Variants in DHPS observed in about 807,000 individuals in gnomAD.
The protein encoded by DHPS is deoxyhypusine synthase.
In DHPS, 24 loss-of-function variants were observed where a neutral mutation model predicts 38.7. That is an observed-to-expected ratio of 0.62 (90% CI 0.45 to 0.87). The LOEUF (loss-of-function observed/expected upper bound fraction) is 0.87. Ranked by LOEUF, DHPS falls within the 40% of genes least tolerant of loss-of-function variation. The probability of loss-of-function intolerance (pLI) is 0.00; values close to 1 mark genes in which losing one functional copy is unlikely to be tolerated. For synonymous variants in DHPS, 250 were observed against 204.4 expected (o/e 1.22, Z -1.90); for missense variants, 510 against 497.6 (o/e 1.02, Z -0.24).
downstream of DHPS, chr19:12,673,406 G>A (rs2024479782): frequency 2.5e-5 from 10 of 394,414 alleles, no homozygotes; most frequent in South Asian, 2.3e-4. Context: ...CTGAAGGCTA[G>A]GATCTTTTTT....
chr19:12,680,378 G>A, intron 1 of DHPS, 53 bp from the exon 2 acceptor site: 1 of 1,603,984 alleles, frequency 6.2e-7, no homozygotes, highest in Non-Finnish European at 8.5e-7. Flanking sequence ...CCCAGACTCA[G>A]GACTCCAGGT....
Position 12,681,814 on chromosome 19 carries a change from AC to A in DHPS, c.-49del. On this transcript the variant is annotated 5_prime_UTR_variant, in exon 1 of 9. Coordinates refer to ENST00000210060, the MANE Select transcript of DHPS (RefSeq NM_001930.4). ...TCAAAGCTGCCCCTAGGCCGGGCTT[AC>A]GGCGGCCCAGAAACGCGTTAAACCC... The A allele has an allele frequency of 6.4e-7, 1 of 1,557,190 alleles. No individual in the cohort carries two copies. Among genetic ancestry groups the A allele is most frequent in the Non-Finnish European group, 8.7e-7 (1 of 1,147,260 alleles).
chr19:12,681,797 G>A lies in DHPS; in HGVS notation c.-31C>T. On this transcript the variant is annotated 5_prime_UTR_variant, in exon 1 of 9. Transcript: ENST00000210060. Reference sequence around the variant, plus strand: ...TATAGCCGGCTCTCGAGTCAAAGCTGCCCCTAGGCCGGGCTTACGGCGGCC... The same window carrying A: ...TATAGCCGGCTCTCGAGTCAAAGCTACCCCTAGGCCGGGCTTACGGCGGCC... 1.9e-6 allele frequency: 3 copies of A among 1,587,210 alleles called. No homozygotes were observed. Among genetic ancestry groups the A allele is most frequent in the Non-Finnish European group, 2.6e-6 (3 of 1,168,980 alleles).
chr19:12,672,979 C>T (rs2024467909), downstream of DHPS: 1 of 1,602,850 alleles, frequency 6.2e-7, no homozygotes, highest in Non-Finnish European at 8.5e-7. Flanking sequence ...GCACCCCACC[C>T]TCACTCACCT....
chr19:12,676,229 A>G lies in DHPS; in HGVS notation c.889-87T>C. The G allele has an allele frequency of 3.4e-6, 5 of 1,456,184 alleles. No individual in the cohort carries two copies. The South Asian group carries it at 6.7e-5, about 19-fold the overall frequency. The allele number at this position is 1,456,184 out of a possible 1,614,324, so 90.2% of individuals were successfully genotyped here. On this transcript the variant is annotated intron_variant, in intron 7 of 8. Coordinates refer to ENST00000210060, the MANE Select transcript of DHPS (RefSeq NM_001930.4). ...GAGGACACCGTAGCCAAACAGGCTG[A>G]GAGGTGTGTCCCAGATGAAGGAAGC...
Position 12,675,862 on chromosome 19 carries a change from G to C in DHPS, c.1086C>G (p.Phe362Leu). ...AETFAQKMDA[F>L]MHEKNED ...CTCAGTCCTCGTTCTTCTCATGCAT[G>C]AAGGCATCCATCTTCTGGGCAAAGG... Residue 362 changes from phenylalanine (F) to leucine (L), a missense_variant, in exon 9 of 9, where the codon TTC (phenylalanine) becomes TTG (leucine). Phe to Leu is a conservative substitution (Grantham distance 22). Transcript: ENST00000210060. 6.2e-7 allele frequency: 1 copy of C among 1,608,152 alleles called. No homozygotes were observed. Among genetic ancestry groups the C allele is most frequent in the Non-Finnish European group, 8.5e-7 (1 of 1,176,912 alleles).
chr19:12,677,181 A>C lies in DHPS; in HGVS notation c.815T>G (p.Phe272Cys). ...DLRLINTQAI[F>C]AKCTGMIILG... ...AATGATCATCCCAGTGCACTTGGCA[A>C]AGATGGCCTGTGTGTTGATGAGCCT... is the stretch of plus-strand genomic sequence containing the variant. The change falls in exon 7 of 9, where the codon TTT (phenylalanine) becomes TGT (cysteine). Residue 272 changes from phenylalanine to cysteine, a missense_variant. Transcript: ENST00000210060. The C allele has an allele frequency of 3.7e-6, 6 of 1,614,244 alleles. No individual in the cohort carries two copies. The highest frequency in any genetic ancestry group is 5.1e-6 in the Non-Finnish European group (6 of 1,180,038).
At chr19:12,681,268 C>G in intron 1 of DHPS, 1 of 1,301,680 alleles carries the variant, frequency 7.7e-7, no homozygotes, top group Non-Finnish European at 9.9e-7. Context: ...TTTGTCTTGC[C>G]CCAGGCTCCG....
rs1477410305 is a variant in DHPS, at chr19:12,677,348, C to T, written c.727G>A (p.Asp243Asn). 9 of 1,614,028 alleles carry T rather than the reference C, an allele frequency of 5.6e-6. No homozygotes were observed. Among genetic ancestry groups the T allele is most frequent in the Non-Finnish European group, 6.8e-6 (8 of 1,180,042 alleles). ...TTGTAGGAATGGAAGAAGATCATGT[C>T]GCCCAGCGAGCCGTCTGTAAGTGCG... ...SPALTDGSLG[D>N]MIFFHSYKNP... is the part of the protein sequence containing the mutation. Residue 243 changes from aspartate (D) to asparagine (N), a missense_variant, in exon 6 of 9, where the codon GAC becomes AAC. By Grantham distance (23) the Asp-to-Asn change is conservative (BLOSUM62 1). Coordinates refer to ENST00000210060, the MANE Select transcript of DHPS (RefSeq NM_001930.4).
At chr19:12,675,397 T>C, downstream of DHPS, 1 of 1,338,706 alleles carries the variant, frequency 7.5e-7, no homozygotes, top group Non-Finnish European at 1.0e-6. Flanking sequence ...TAGAGGCAGG[T>C]GGCTGAAGGT....
Position 12,676,018 on chromosome 19 carries a change from T to TA in DHPS, c.1012_1013insT (p.Lys338IlefsTer5). On this transcript the variant is annotated frameshift_variant and splice_region_variant, in exon 8 of 9. Coordinates refer to ENST00000210060, the MANE Select transcript of DHPS (RefSeq NM_001930.4). LOFTEE classifies it high-confidence loss of function. ...ATGCCCCACCCAGCCAGCGCTTACC[T>TA]TGACGGGCTGTGCATCCACCCGGAT... The TA allele has an allele frequency of 6.2e-7, 1 of 1,613,818 alleles. No individual in the cohort carries two copies. Among genetic ancestry groups the TA allele is most frequent in the Non-Finnish European group, 8.5e-7 (1 of 1,179,822 alleles).
Position 12,675,901 on chromosome 19 carries a change from C to T in DHPS, c.1047G>A (p.Leu349=). The T allele has an allele frequency of 6.2e-7, 1 of 1,610,104 alleles. No homozygotes were observed. Among genetic ancestry groups the T allele is most frequent in the South Asian group, 1.1e-5 (1 of 90,582 alleles). The stretch of plus-strand genomic sequence containing the variant: ...TCTGGGCAAAGGTTTCAGCCACAAG[C>T]AGGGGGAAGACCAGGGAGGCGTCAG... ...VYADASLVFP[L]LVAETFAQKM... is the part of the protein sequence containing the mutation. Residue 349 remains leucine (L), a synonymous_variant, in exon 9 of 9, where the codon CTG becomes CTA. Transcript: ENST00000210060.
At chr19:12,681,258 T>A in intron 1 of DHPS, 1 of 1,292,820 alleles carries the variant, frequency 7.7e-7, no homozygotes. Flanking sequence ...CCTCCCTTAA[T>A]TTGTCTTGCC....
chr19:12,675,791 A>G lies in DHPS; in HGVS notation c.*47T>C. On this transcript the variant is annotated 3_prime_UTR_variant, in exon 9 of 9. Coordinates refer to ENST00000210060, the MANE Select transcript of DHPS (RefSeq NM_001930.4). ...AGTAGGGGAGGGGCTGGGTCTGCAA[A>G]TTAATAAATAGAAGAGGGGGTAAGA... 6.4e-7 allele frequency: 1 copy of G among 1,567,632 alleles called. No individual in the cohort carries two copies. The highest frequency in any genetic ancestry group is 8.7e-7 in the Non-Finnish European group (1 of 1,154,542).
chr19:12,677,385 A>C lies in DHPS; in HGVS notation c.690T>G (p.Pro230=), dbSNP rs758656990. The change falls in exon 6 of 9, where the codon CCT becomes CCG. Residue 230 remains proline (P), a synonymous_variant. Transcript: ENST00000210060. ...CGTCTGTAAGTGCGGGACTAAACACAGGGATGTGGTTCTGCAGAGAACATG... is the reference window on the plus strand; with the variant it reads ...CGTCTGTAAGTGCGGGACTAAACACCGGGATGTGGTTCTGCAGAGAACATG... ...VYYWAQKNHI[P]VFSPALTDGS... 6.2e-7 allele frequency: 1 copy of C among 1,613,838 alleles called. No homozygotes were observed. The highest frequency in any genetic ancestry group is 8.5e-7 in the Non-Finnish European group (1 of 1,179,844).
At position 12,677,138 on chromosome 19, in the gene DHPS, G is replaced by A. The variant is rs181350133; in HGVS notation, c.858C>T (p.Val286=). The part of the protein sequence containing the change: ...TGMIILGGGV[V]KHHIANANLM... The stretch of plus-strand genomic sequence containing the variant: ...GGTTGGCATTGGCAATGTGGTGCTT[G>A]ACCACGCCCCCGCCCAGAATGATCA... Residue 286 remains valine, a synonymous_variant, in exon 7 of 9, where the codon GTC becomes GTT. Coordinates refer to ENST00000210060, the MANE Select transcript of DHPS (RefSeq NM_001930.4). 3.1e-6 allele frequency: 5 copies of A among 1,614,228 alleles called. No individual in the cohort carries two copies. The South Asian group carries it at 4.4e-5, about 14-fold the overall frequency.
intron 5 of DHPS, 51 bp downstream of exon 5, chr19:12,679,406 A>C (rs2024723335): frequency 6.5e-7 from 1 of 1,535,776 alleles, no homozygotes; most frequent in Non-Finnish European, 9.0e-7. Flanking sequence ...AAGATGAAAT[A>C]AGTTAACACA....
chr19:12,680,554 A>T (rs1296063294), intron 1 of DHPS, among the ~76,000 whole-genome samples: 2 of 138,076 alleles, frequency 1.4e-5, no homozygotes, highest in East Asian at 2.1e-4. Context: ...TTTTTTTTGG[A>T]CGGAGTTTCA....
chr19:12,681,346 C>T, intron 1 of DHPS: 1 of 1,020,898 alleles, frequency 9.8e-7, no homozygotes, highest in Non-Finnish European at 1.4e-6. Context: ...CTCGCCTCCT[C>T]AGGTTACCGT....
Sources: gnomAD v4.1 joint callset for allele counts (sites outside exome capture counted in the v4.1 genomes callset) on GRCh38, gnomAD v4.1.1 for gene constraint, MANE v1.5 for transcripts, NCBI Gene and HGNC (gene_info 2026-07-23, HGNC 2026-07-21) for gene names.